The following PRKN variants were observed in gnomAD, a reference collection of about 807,000 sequenced individuals.
PRKN encodes the protein E3 ubiquitin-protein ligase parkin.
Under a neutral mutation model 59.5 loss-of-function variants are expected in PRKN, and 56 were observed. The ratio of observed to expected loss-of-function variants is 0.94; its 90% CI spans 0.76 to 1.18. The LOEUF is 1.18. PRKN is among the 50% of genes most tolerant of loss of function. PRKN has a pLI of 0.00. For missense variants in PRKN, 657 were observed against 596.4 expected (o/e 1.10, Z -1.06); for synonymous variants, 250 against 222.1 (o/e 1.13, Z -1.12).
chr6:162,453,249 C>A (rs1032745448), intron 1 of PRKN, among the ~76,000 whole-genome samples: 4 of 152,202 alleles, frequency 2.6e-5, no homozygotes, highest in Non-Finnish European at 5.9e-5. Context: ...ATGAGGACAT[C>A]GCGCATAGCC....
intron 1 of PRKN, among the ~76,000 whole-genome samples, chr6:162,478,141 T>G (rs1583642087): frequency 6.6e-6 from 1 of 152,164 alleles, no homozygotes; most frequent in Admixed American, 6.6e-5. Context: ...TGTTTAATTT[T>G]ATGAACAACT....
intron 5 of PRKN, among the ~76,000 whole-genome samples, chr6:161,999,890 A>C (rs771328456): frequency 1.3e-5 from 2 of 152,148 alleles, no homozygotes; most frequent in Non-Finnish European, 2.9e-5. Context: ...GTTACTAGCA[A>C]CTTGAAAAAT....
chr6:161,750,903 T>G (rs1255479762), intron 7 of PRKN, among the ~76,000 whole-genome samples: 1 of 151,924 alleles, frequency 6.6e-6, no homozygotes, highest in African/African-American at 2.4e-5. Context: ...GTATTAGTCA[T>G]CGAAAAGGAA....
At chr6:162,329,016 G>A (rs2128124197) in intron 2 of PRKN, among the ~76,000 whole-genome samples, 1 of 152,280 alleles carries the variant, frequency 6.6e-6, no homozygotes, top group Non-Finnish European at 1.5e-5. Context: ...TTGGTAAAAT[G>A]GCATTCCCTC....
Position 162,046,473 on chromosome 6 carries a change from T to C in PRKN, c.618+7618A>G, listed in dbSNP as rs77605584. On this transcript the variant is annotated intron_variant, in intron 5 of 11. Transcript: ENST00000366898. ...AGAAGTATGTATTTTGGAAGCTGCATATTGCTGGAAAGATGGCGTCATAGA... is the reference window on the plus strand; with the variant it reads ...AGAAGTATGTATTTTGGAAGCTGCACATTGCTGGAAAGATGGCGTCATAGA... 2.1e-3 allele frequency among the ~76,000 whole-genome samples: 313 copies of C among 152,324 alleles called. 1 individual carries two copies. The highest frequency in any genetic ancestry group is 3.2e-3 in the Non-Finnish European group (217 of 68,034).
In PRKN at chr6:161,473,543, G is replaced by A. The variant is rs978062653; in HGVS notation, c.1083+75311C>T. Among the ~76,000 whole-genome samples the A allele has an allele frequency of 1.3e-5, 2 of 151,838 alleles. No homozygotes were observed. Among genetic ancestry groups the A allele is most frequent in the African/African-American group, 4.8e-5 (2 of 41,346 alleles). On this transcript the variant is annotated intron_variant, in intron 9 of 11. Transcript: ENST00000366898. This position sits in a 1 kb window ranked among gnomAD's most constrained non-coding sequence, Gnocchi z 4.1. ...AAAAAAAAAATGTCAAATATATAGAGACAGAATAAAATGGTGGTTACCGGA... is the reference window on the plus strand; with the variant it reads ...AAAAAAAAAATGTCAAATATATAGAAACAGAATAAAATGGTGGTTACCGGA...
chr6:161,972,314 C>T (rs576208560), intron 6 of PRKN, among the ~76,000 whole-genome samples: 11 of 151,546 alleles, frequency 7.3e-5, no homozygotes, highest in African/African-American at 2.7e-4. Context: ...GATATGAGGG[C>T]TAAGTTCTCA....
At chr6:161,621,501 C>T (rs561388269) in intron 7 of PRKN, among the ~76,000 whole-genome samples, 4 of 152,058 alleles carry the variant, frequency 2.6e-5, no homozygotes, top group Admixed American at 6.6e-5. Context: ...TAAAGAGAAA[C>T]TAATTTGTTT....
At chr6:161,654,658 C>T (rs1405494622) in intron 7 of PRKN, among the ~76,000 whole-genome samples, 1 of 152,184 alleles carries the variant, frequency 6.6e-6, no homozygotes, top group Non-Finnish European at 1.5e-5. Flanking sequence ...ACAAAGAAAC[C>T]TCAGGCCTAC....
Position 162,543,059 on chromosome 6 carries a change from G to A in PRKN, c.8-99586C>T, listed in dbSNP as rs117903773. Among the ~76,000 whole-genome samples the A allele has an allele frequency of 9.2e-5, 14 of 152,252 alleles. No homozygotes were observed. The East Asian group carries it at 2.5e-3, about 27-fold the overall frequency. On this transcript the variant is annotated intron_variant, in intron 1 of 11. Transcript: ENST00000366898. The stretch of plus-strand genomic sequence containing the variant: ...ACAGTGCCACTAATAACTGAAGACA[G>A]TCAGTTGGTGTCCCCTGGTCTTTCT...
chr6:161,760,497 A>G (rs963890701), intron 7 of PRKN, among the ~76,000 whole-genome samples: 2 of 151,892 alleles, frequency 1.3e-5, no homozygotes, highest in African/African-American at 4.8e-5. Context: ...TGCCCTCTGC[A>G]GTGGGGAGGA....
chr6:162,625,244 A>C (rs1030883835), intron 1 of PRKN, among the ~76,000 whole-genome samples: 1 of 152,216 alleles, frequency 6.6e-6, no homozygotes, highest in Non-Finnish European at 1.5e-5. Flanking sequence ...GTGTTGTTGA[A>C]GCCCCTGGAT....
chr6:161,621,198 T>C (rs188105482), intron 7 of PRKN, among the ~76,000 whole-genome samples: 1 of 152,202 alleles, frequency 6.6e-6, no homozygotes, highest in African/African-American at 2.4e-5. Context: ...GATAGATCTT[T>C]AGGTAGATAA....
chr6:161,649,932 G>A (rs1019921611), intron 7 of PRKN, among the ~76,000 whole-genome samples: 7 of 152,136 alleles, frequency 4.6e-5, no homozygotes, highest in African/African-American at 1.7e-4. Context: ...TCCTTGACAG[G>A]ACCCAACTTG....
Position 161,502,270 on chromosome 6 carries a change from C to T in PRKN, c.1083+46584G>A, listed in dbSNP as rs943676743. On this transcript the variant is annotated intron_variant, in intron 9 of 11. Coordinates refer to ENST00000366898, the MANE Select transcript of PRKN (RefSeq NM_004562.3). The surrounding 1 kb of genome is among the most constrained non-coding windows in gnomAD (Gnocchi z 4.0). ...CCTATCCCTATGTTATAGCTGAGGA[C>T]GCTGAGACATAAAGAGATTAAGACG... Among the ~76,000 whole-genome samples, 1 of 152,040 alleles carries T rather than the reference C, an allele frequency of 6.6e-6. No individual in the cohort carries two copies. Among genetic ancestry groups the T allele is most frequent in the Non-Finnish European group, 1.5e-5 (1 of 68,024 alleles).
chr6:162,247,100 C>T (rs1222032062), intron 3 of PRKN, among the ~76,000 whole-genome samples: 4 of 151,988 alleles, frequency 2.6e-5, no homozygotes, highest in Admixed American at 2.0e-4. Context: ...AAAAATTGTA[C>T]TATATATATT....
At chr6:162,111,705 T>TAA (rs200947128) in intron 4 of PRKN, among the ~76,000 whole-genome samples, 11 of 145,512 alleles carry the variant, frequency 7.6e-5, no homozygotes, top group Non-Finnish European at 1.1e-4. Flanking sequence ...GTCTCACAAT[T>TAA]AAAAAAAAAA....
At chr6:162,098,195 A>C (rs991155473) in intron 4 of PRKN, among the ~76,000 whole-genome samples, 1 of 152,114 alleles carries the variant, frequency 6.6e-6, no homozygotes, top group African/African-American at 2.4e-5. Flanking sequence ...GAGTTGCTTT[A>C]GTTTAAACGA....
chr6:162,685,313 C>T (rs1277892862), intron 1 of PRKN, among the ~76,000 whole-genome samples: 1 of 152,132 alleles, frequency 6.6e-6, no homozygotes, highest in Non-Finnish European at 1.5e-5. Context: ...TAGAGATATA[C>T]TGTGTTTTAA....
Sources: allele counts gnomAD v4.1 joint callset (sites outside exome capture counted in the v4.1 genomes callset), GRCh38; gene constraint gnomAD v4.1.1; non-coding constraint Gnocchi (gnomAD v3.1); transcripts MANE v1.5; gene names NCBI Gene and HGNC (gene_info 2026-07-23, HGNC 2026-07-21).